The following DIAPH2 variants were observed in gnomAD, a reference collection of about 807,000 sequenced individuals.
DIAPH2 encodes diaphanous related formin 2.
In DIAPH2, 35 loss-of-function variants were observed where a neutral mutation model predicts 92.7. That is an observed-to-expected ratio of 0.38 (90% CI 0.29 to 0.50). DIAPH2 has a LOEUF of 0.50. Among genes scored for constraint, DIAPH2 ranks in the 20% least tolerant of loss-of-function variants. DIAPH2 has a pLI of 0.94. For missense variants in DIAPH2, 701 were observed against 819.5 expected, an observed-to-expected ratio of 0.86 and a Z score of 1.77; for synonymous variants, 301 against 280.4, an observed-to-expected ratio of 1.07 and a Z score of -0.73.
chrX:97,428,741 A>G (rs1399390434), intron 25 of DIAPH2, among the ~76,000 whole-genome samples: 2 of 110,588 alleles, frequency 1.8e-5, no homozygotes, highest in African/African-American at 3.3e-5. Context: ...GTAGCCACCT[A>G]TTTAGGGTCC....
At chrX:96,793,697 C>T (rs2064517860) in intron 4 of DIAPH2, 1 of 353,625 alleles carries the variant, frequency 2.8e-6, no homozygotes, top group East Asian at 7.8e-5. Context: ...TTTCCACCCT[C>T]ATGATGTCAT....
chrX:97,247,336 A>G (rs1462896455), intron 22 of DIAPH2, among the ~76,000 whole-genome samples: 1 of 112,208 alleles, frequency 8.9e-6, no homozygotes, highest in Non-Finnish European at 1.9e-5. Context: ...TAAATCATTT[A>G]TAGAGCTACT....
intron 17 of DIAPH2, among the ~76,000 whole-genome samples, chrX:97,041,350 T>C (rs2066447238): frequency 8.9e-6 from 1 of 111,769 alleles, no homozygotes; most frequent in Non-Finnish European, 1.9e-5. Flanking sequence ...GTGTTTCAAT[T>C]AAAATAGGAG....
intron 17 of DIAPH2, among the ~76,000 whole-genome samples, chrX:97,062,214 C>T (rs1378925943): frequency 9.0e-6 from 1 of 111,439 alleles, no homozygotes; most frequent in Non-Finnish European, 1.9e-5. Flanking sequence ...AATGGTTGAC[C>T]AAGTATTGCC....
chrX:97,395,824 C>G (rs1427893118), intron 25 of DIAPH2, among the ~76,000 whole-genome samples: 2 of 112,242 alleles, frequency 1.8e-5, no homozygotes, highest in East Asian at 5.6e-4. Context: ...TTCTTACATT[C>G]TAAATGCAGA....
intron 4 of DIAPH2, among the ~76,000 whole-genome samples, chrX:96,831,373 TG>T (rs941191203): frequency 7.1e-5 from 8 of 112,052 alleles, no homozygotes; most frequent in African/African-American, 1.9e-4. Context: ...CAGAATAACT[TG>T]GTAATTAAAA....
intron 25 of DIAPH2, among the ~76,000 whole-genome samples, chrX:97,413,156 A>G (rs902291929): frequency 8.9e-6 from 1 of 112,022 alleles, no homozygotes; most frequent in Non-Finnish European, 1.9e-5. Flanking sequence ...AAAATCCTCA[A>G]TAAAATAGTG....
At chrX:97,050,445 T>C (rs2066511849) in intron 17 of DIAPH2, among the ~76,000 whole-genome samples, 1 of 110,155 alleles carries the variant, frequency 9.1e-6, no homozygotes, top group African/African-American at 3.3e-5. Flanking sequence ...GAATTTATTT[T>C]AGATTGACCC....
chrX:97,457,105 C>A (rs780485657), intron 26 of DIAPH2, among the ~76,000 whole-genome samples: 2 of 111,773 alleles, frequency 1.8e-5, no homozygotes, highest in Non-Finnish European at 3.8e-5. Flanking sequence ...ACTGTAACCT[C>A]TGCCTCCTGG....
intron 12 of DIAPH2, among the ~76,000 whole-genome samples, chrX:96,941,038 G>C (rs989865785): frequency 9.0e-6 from 1 of 110,892 alleles, no homozygotes; most frequent in Admixed American, 9.6e-5. Flanking sequence ...CTCTAGACCC[G>C]AAGATGACTT....
intron 17 of DIAPH2, among the ~76,000 whole-genome samples, chrX:97,009,214 G>A (rs2066207123): frequency 2.7e-5 from 3 of 111,037 alleles, no homozygotes; most frequent in East Asian, 2.9e-4. Flanking sequence ...ACCACCCCAG[G>A]CCTGCAGCAA....
intron 9 of DIAPH2, among the ~76,000 whole-genome samples, chrX:96,926,418 G>A (rs1310795932): frequency 9.0e-6 from 1 of 111,398 alleles, no homozygotes; most frequent in Non-Finnish European, 1.9e-5. Flanking sequence ...GGACAGTTAA[G>A]TGTTACAAAT....
intron 26 of DIAPH2, among the ~76,000 whole-genome samples, chrX:97,592,657 C>T (rs779183222): frequency 2.4e-4 from 27 of 111,970 alleles, no homozygotes; most frequent in Non-Finnish European, 4.5e-4. Flanking sequence ...AATTAGAATA[C>T]TGTATTTTCT....
At chrX:96,905,050 C>T (rs924767790) in intron 5 of DIAPH2, among the ~76,000 whole-genome samples, 17 of 111,388 alleles carry the variant, frequency 1.5e-4, no homozygotes, top group African/African-American at 5.2e-4. Context: ...GAACACATAA[C>T]CCTCTATACT....
chrX:97,226,165 A>G (rs984742144), intron 22 of DIAPH2, among the ~76,000 whole-genome samples: 7 of 110,766 alleles, frequency 6.3e-5, no homozygotes, highest in Non-Finnish European at 1.3e-4. Context: ...CTAATGAGTG[A>G]ATGAAAGAAT....
At chrX:96,992,602 C>A (rs2066079732) in intron 17 of DIAPH2, among the ~76,000 whole-genome samples, 1 of 112,025 alleles carries the variant, frequency 8.9e-6, no homozygotes, top group Admixed American at 9.5e-5. Flanking sequence ...CCCATTCTCT[C>A]CCTGCTACTT....
intron 1 of DIAPH2, among the ~76,000 whole-genome samples, chrX:96,723,455 G>C (rs2064000789): frequency 9.0e-6 from 1 of 111,518 alleles, no homozygotes; most frequent in Non-Finnish European, 1.9e-5. Flanking sequence ...CCTGCCTATA[G>C]AAAGGAAAAA....
chrX:97,133,470 G>A (rs748163918), intron 21 of DIAPH2, among the ~76,000 whole-genome samples: 3 of 110,752 alleles, frequency 2.7e-5, no homozygotes, highest in African/African-American at 3.3e-5. Context: ...TATTTTTAGC[G>A]GAGATGGGGT....
chrX:97,126,146 T>C (rs1026932047), intron 21 of DIAPH2, among the ~76,000 whole-genome samples: 1 of 111,907 alleles, frequency 8.9e-6, no homozygotes, highest in Non-Finnish European at 1.9e-5. Context: ...ATTTAGTGAA[T>C]ATAATTAGTA....
Sources: gnomAD v4.1 joint callset for allele counts (sites outside exome capture counted in the v4.1 genomes callset) on GRCh38, gnomAD v4.1.1 for gene constraint, MANE v1.5 for transcripts, NCBI Gene and HGNC (gene_info 2026-07-23, HGNC 2026-07-21) for gene names.